Variants in NRROS observed in about 807,000 individuals in gnomAD.
NRROS encodes negative regulator of reactive oxygen species.
A neutral mutation model predicts 12.0 loss-of-function variants in NRROS; 6 were observed. The ratio of observed to expected loss-of-function variants is 0.50; its 90% CI spans 0.27 to 0.98. The LOEUF (loss-of-function observed/expected upper bound fraction) is 0.98. Ranked by LOEUF, NRROS falls within the 50% of genes least tolerant of loss-of-function variation. The pLI is 0.11. For synonymous variants in NRROS, 462 were observed against 410.2 expected, an observed-to-expected ratio of 1.13 and a Z score of -1.53; for missense variants, 857 against 888.2, an observed-to-expected ratio of 0.96 and a Z score of 0.45.
At chr3:196,646,726 C>A (rs888696799) in intron 1 of NRROS, among the ~76,000 whole-genome samples, 2 of 152,204 alleles carry the variant, frequency 1.3e-5, no homozygotes, top group African/African-American at 2.4e-5. Flanking sequence ...GAATCCCCCC[C>A]CGATGGAGGC....
In NRROS at chr3:196,661,293, C is replaced by A; in HGVS notation, c.1650C>A (p.Thr550=). Residue 550 remains threonine (T), a synonymous_variant, in exon 3 of 3, where the codon ACC becomes ACA. Coordinates refer to ENST00000328557, the MANE Select transcript of NRROS (RefSeq NM_198565.3). ...ATCTGTCGGGGAATTGCTTGACCAC[C>A]TTCCCAAGGTTTGGGGGCAGCCTGG... ...DLDLSGNCLT[T]FPRFGGSLAL... The A allele has an allele frequency of 6.2e-7, 1 of 1,611,336 alleles. No individual in the cohort carries two copies. Among genetic ancestry groups the A allele is most frequent in the Non-Finnish European group, 8.5e-7 (1 of 1,178,596 alleles).
At position 196,654,588 on chromosome 3, in the gene NRROS, G is replaced by A. The variant is rs748230744; in HGVS notation, c.49G>A (p.Val17Met). 17 of 1,614,068 alleles carry A rather than the reference G, an allele frequency of 1.1e-5. No homozygotes were observed. The highest frequency in any genetic ancestry group is 3.3e-4 in the Middle Eastern group (2 of 6,062). ...CTGCCTGGGTTTTCACTTCCTGACC[G>A]TGGGCTGGAGGAACAGAAGCGGAAC... ...WLCLGFHFLT[V>M]GWRNRSGTAT... is the part of the protein sequence containing the mutation. Residue 17 changes from valine to methionine, a missense_variant, in exon 2 of 3, where the codon GTG (valine) becomes ATG (methionine). Coordinates refer to ENST00000328557, the MANE Select transcript of NRROS (RefSeq NM_198565.3). This position sits in a 1 kb window ranked among gnomAD's most constrained non-coding sequence, Gnocchi z 4.4.
rs1363772989 is a variant in NRROS, at chr3:196,660,312, C to T, written c.669C>T (p.Phe223=). The T allele has an allele frequency of 2.5e-6, 4 of 1,613,868 alleles. No individual in the cohort carries two copies. The East Asian group carries it at 6.7e-5, about 27-fold the overall frequency. ...AFNNLPCIVD[F]GLTRLRVLNV... Reference sequence around the variant, plus strand: ...ACAACCTCCCCTGCATCGTGGACTTCGGGCTCACGCGGCTGCGGGTCCTCA... The same window carrying T: ...ACAACCTCCCCTGCATCGTGGACTTTGGGCTCACGCGGCTGCGGGTCCTCA... The change falls in exon 3 of 3, where the codon TTC becomes TTT. Residue 223 remains phenylalanine, a synonymous_variant. Coordinates refer to ENST00000328557, the MANE Select transcript of NRROS (RefSeq NM_198565.3). The surrounding 1 kb of genome is among the most constrained non-coding windows in gnomAD (Gnocchi z 7.7).
intron 1 of NRROS, among the ~76,000 whole-genome samples, chr3:196,649,392 C>G (rs558195085): frequency 1.3e-5 from 2 of 152,330 alleles, no homozygotes; most frequent in South Asian, 4.1e-4. Flanking sequence ...CCATGAGTGT[C>G]ACTGTCACAC....
intron 1 of NRROS, among the ~76,000 whole-genome samples, chr3:196,650,319 T>C (rs1168945218): frequency 1.3e-5 from 2 of 152,200 alleles, no homozygotes; most frequent in African/African-American, 4.8e-5. Flanking sequence ...AATTTTTGTA[T>C]TTTTAGTAGA....
intron 2 of NRROS, among the ~76,000 whole-genome samples, chr3:196,656,473 G>A (rs894883100): frequency 4.6e-5 from 7 of 152,152 alleles, no homozygotes; most frequent in East Asian, 3.9e-4. Context: ...GAATATATAC[G>A]TAATAATAAT....
At chr3:196,646,994 T>A (rs1737326333) in intron 1 of NRROS, among the ~76,000 whole-genome samples, 1 of 152,246 alleles carries the variant, frequency 6.6e-6, no homozygotes, top group Non-Finnish European at 1.5e-5. Flanking sequence ...ATTATGAACG[T>A]CTTTCTGCGT....
rs755065636 is a variant in NRROS at position 196,660,469 on chromosome 3, A to T, written c.826A>T (p.Thr276Ser). 4 of 1,613,628 alleles carry T rather than the reference A, an allele frequency of 2.5e-6. No individual in the cohort carries two copies. Among genetic ancestry groups the T allele is most frequent in the East Asian group, 4.5e-5 (2 of 44,874 alleles). The stretch of plus-strand genomic sequence containing the variant: ...GCTGCCCCAGTACAGCAAGTTGCGG[A>T]CCCTCCTGCTGCGCGACAACAACAT... ...PLLPQYSKLR[T>S]LLLRDNNMGF... The change falls in exon 3 of 3, where the codon ACC (threonine) becomes TCC (serine). Residue 276 changes from threonine (T) to serine (S), a missense_variant. Thr to Ser is a moderately conservative substitution (Grantham distance 58). Transcript: ENST00000328557. This position sits in a 1 kb window ranked among gnomAD's most constrained non-coding sequence, Gnocchi z 7.7.
intron 1 of NRROS, among the ~76,000 whole-genome samples, chr3:196,644,047 C>G (rs181666303): frequency 1.4e-4 from 21 of 152,342 alleles, no homozygotes; most frequent in Admixed American, 2.6e-4. Flanking sequence ...TCATGGGCCT[C>G]GGCCGTTCTC....
intron 2 of NRROS, among the ~76,000 whole-genome samples, chr3:196,655,912 C>G (rs1411887183): frequency 1.3e-5 from 2 of 152,226 alleles, no homozygotes; most frequent in Non-Finnish European, 2.9e-5. Context: ...ATGGCTCACG[C>G]CTGTCATCCC....
chr3:196,661,884 C>T lies in NRROS; in HGVS notation c.*162C>T, dbSNP rs1405932381. ...ATCGCCCACCCCACCCCCGCCCCCA[C>T]CACCGCCCAAGTTCTTTTTCCATCA... On this transcript the variant is annotated 3_prime_UTR_variant, in exon 3 of 3. Coordinates refer to ENST00000328557, the MANE Select transcript of NRROS (RefSeq NM_198565.3). 1.0e-5 allele frequency: 5 copies of T among 481,432 alleles called. No individual in the cohort carries two copies. Among genetic ancestry groups the T allele is most frequent in the Middle Eastern group, 1.1e-3 (2 of 1,818 alleles). The allele number at this position is 481,432 out of a possible 1,614,324, so 29.8% of individuals were successfully genotyped here. A position where few individuals can be genotyped will look rare whatever the true frequency, so the allele number is the denominator to read the frequency against.
rs778392129 is a variant in NRROS, at chr3:196,659,774, G to A, written c.131G>A (p.Arg44Gln). The A allele has an allele frequency of 1.9e-6, 3 of 1,611,356 alleles. No individual in the cohort carries two copies. The highest frequency in any genetic ancestry group is 2.5e-6 in the Non-Finnish European group (3 of 1,178,434). ...CKLVGGAADC[R>Q]GQSLASVPSS... ...CAGGTGGGTGGAGCCGCTGACTGCC[G>A]AGGGCAGAGCCTCGCTTCGGTGCCC... The change falls in exon 3 of 3, where the codon CGA becomes CAA. Residue 44 changes from arginine to glutamine, a missense_variant. Coordinates refer to ENST00000328557, the MANE Select transcript of NRROS (RefSeq NM_198565.3).
chr3:196,641,173 A>G (rs1364663746), intron 1 of NRROS, among the ~76,000 whole-genome samples: 1 of 147,958 alleles, frequency 6.8e-6, no homozygotes, highest in African/African-American at 2.5e-5. Context: ...AACAAAACAA[A>G]CTCAGCTTCA....
intron 1 of NRROS, among the ~76,000 whole-genome samples, chr3:196,640,264 G>C (rs930834529): frequency 2.0e-5 from 3 of 152,160 alleles, no homozygotes. Context: ...CCCTCCCTGG[G>C]CTGGGCGACT....
intron 2 of NRROS, among the ~76,000 whole-genome samples, chr3:196,656,931 C>T (rs577210055): frequency 4.6e-4 from 70 of 152,172 alleles, no homozygotes; most frequent in Non-Finnish European, 4.1e-4. Flanking sequence ...TGGCCAGGTG[C>T]GGTGGCTCCC....
At chr3:196,651,424 G>A (rs772838992) in intron 1 of NRROS, among the ~76,000 whole-genome samples, 3 of 152,120 alleles carry the variant, frequency 2.0e-5, no homozygotes, top group East Asian at 3.9e-4. Context: ...ACACAGCGAC[G>A]AGCAGCTTCA....
chr3:196,647,999 GCCTGTATTT>G (rs1384112556), intron 1 of NRROS, among the ~76,000 whole-genome samples: 1 of 152,212 alleles, frequency 6.6e-6, no homozygotes, highest in East Asian at 1.9e-4. Context: ...ACTGTGCCCA[GCCTGTATTT>G]CCATTTTTAA....
In NRROS at chr3:196,659,773, C is replaced by G. The variant is rs556333034; in HGVS notation, c.130C>G (p.Arg44Gly). The change falls in exon 3 of 3, where the codon CGA becomes GGA. Residue 44 changes from arginine to glycine, a missense_variant. Arg to Gly is a moderately radical substitution (Grantham distance 125). Coordinates refer to ENST00000328557, the MANE Select transcript of NRROS (RefSeq NM_198565.3). Reference sequence around the variant, plus strand: ...GCAGGTGGGTGGAGCCGCTGACTGCCGAGGGCAGAGCCTCGCTTCGGTGCC... The same window carrying G: ...GCAGGTGGGTGGAGCCGCTGACTGCGGAGGGCAGAGCCTCGCTTCGGTGCC... ...CKLVGGAADCRGQSLASVPSS... is the reference protein window; with the variant it reads ...CKLVGGAADCGGQSLASVPSS... 9.3e-6 allele frequency: 15 copies of G among 1,611,286 alleles called. 1 individual carries two copies. The highest frequency in any genetic ancestry group is 3.3e-4 in the Middle Eastern group (2 of 6,046).
In NRROS at chr3:196,654,484, A is replaced by T; in HGVS notation, c.-13-43A>T. ...CCGATAATACAAACAGCCCTCTGGG[A>T]TGTCCTTCTCTGACTTACCTCTTCC... On this transcript the variant is annotated intron_variant, in intron 1 of 2. Coordinates refer to ENST00000328557, the MANE Select transcript of NRROS (RefSeq NM_198565.3). This position sits in a 1 kb window ranked among gnomAD's most constrained non-coding sequence, Gnocchi z 4.4. The T allele has an allele frequency of 8.9e-7, 1 of 1,126,548 alleles. No individual in the cohort carries two copies. The highest frequency in any genetic ancestry group is 1.4e-6 in the Non-Finnish European group (1 of 734,332). The allele number at this position is 1,126,548 out of a possible 1,614,324, so 69.8% of individuals were successfully genotyped here. A position where few individuals can be genotyped will look rare whatever the true frequency, so the allele number is the denominator to read the frequency against.
Sources: allele counts gnomAD v4.1 joint callset (sites outside exome capture counted in the v4.1 genomes callset), GRCh38; gene constraint gnomAD v4.1.1; non-coding constraint Gnocchi (gnomAD v3.1); transcripts MANE v1.5; gene names NCBI Gene and HGNC (gene_info 2026-07-23, HGNC 2026-07-21).